Variants in SH3YL1 observed in about 807,000 individuals in gnomAD.
SH3YL1 encodes the protein SH3 and SYLF domain containing 1.
SH3YL1 carries 41 observed loss-of-function variants against 45.8 expected under a neutral mutation model. The observed-to-expected ratio is 0.89, with a 90% CI of 0.70 to 1.16. SH3YL1 has a LOEUF of 1.16. Ranked by LOEUF, SH3YL1 falls within the 50% of genes most tolerant of loss-of-function variation. The probability of loss-of-function intolerance (pLI) is 0.00; values close to 1 mark genes in which losing one functional copy is unlikely to be tolerated. For synonymous variants in SH3YL1, 152 were observed against 151.4 expected, an observed-to-expected ratio of 1.00 and a Z score of -0.03; for missense variants, 389 against 409.6, an observed-to-expected ratio of 0.95 and a Z score of 0.43.
intron 6 of SH3YL1, among the ~76,000 whole-genome samples, chr2:231,632 T>C (rs1162645114): frequency 1.3e-5 from 2 of 152,230 alleles, no homozygotes; most frequent in Non-Finnish European, 2.9e-5. Context: ...TTTATCAAGA[T>C]TAAATAAACA....
At chr2:231,328 C>A in intron 6 of SH3YL1, 137 bp from the exon 7 acceptor site, 1 of 687,418 alleles carries the variant, frequency 1.5e-6, no homozygotes, top group African/African-American at 1.8e-5. Context: ...TTTTTAAACA[C>A]TAACTTTAAG....
At chr2:221,203 GA>G (rs1259686424) in intron 9 of SH3YL1, among the ~76,000 whole-genome samples, 1 of 152,172 alleles carries the variant, frequency 6.6e-6, no homozygotes, top group Non-Finnish European at 1.5e-5. Context: ...TCATAAATAT[GA>G]AATTGTGCTC....
intron 4 of SH3YL1, among the ~76,000 whole-genome samples, chr2:243,053 A>C (rs1358658179): frequency 6.6e-6 from 1 of 152,220 alleles, no homozygotes. Flanking sequence ...TAGAAGGAAG[A>C]CATAGACAAT....
At position 262,762 on chromosome 2, in the gene SH3YL1, G is replaced by A. The variant is rs1261450641; in HGVS notation, c.1+1222C>T. 3.5e-6 allele frequency: 4 copies of A among 1,149,504 alleles called. No homozygotes were observed. In the African/African-American group the frequency reaches 4.9e-5, roughly 14 times the overall value. The allele number at this position is 1,149,504 out of a possible 1,614,324, so 71.2% of individuals were successfully genotyped here. On this transcript the variant is annotated intron_variant, in intron 1 of 9. Transcript: ENST00000356150. Reference sequence around the variant, plus strand: ...CCAGATCCTTATTTCTGCGGAATGAGAAATCTCTTGAGAATAAAGTTTTCC... The same window carrying A: ...CCAGATCCTTATTTCTGCGGAATGAAAAATCTCTTGAGAATAAAGTTTTCC...
At chr2:264,723 G>T (rs1669782902), upstream of SH3YL1, 1 of 473,440 alleles carries the variant, frequency 2.1e-6, no homozygotes, top group East Asian at 3.8e-5. Context: ...GCCCCTGCAG[G>T]TGAACGGCGG....
At chr2:245,689 T>A (rs150785831) in intron 4 of SH3YL1, among the ~76,000 whole-genome samples, 3,434 of 152,234 alleles carry the variant, frequency 0.023, 73 homozygotes, top group South Asian at 0.11. Context: ...TGTCTCGTAT[T>A]GTCTTTTAAA....
At chr2:223,198 G>A (rs772162915) in intron 9 of SH3YL1, among the ~76,000 whole-genome samples, 1 of 152,180 alleles carries the variant, frequency 6.6e-6, no homozygotes. Context: ...GTGAAAGTAC[G>A]GGGGTTCGAA....
intron 3 of SH3YL1, among the ~76,000 whole-genome samples, chr2:248,740 G>A (rs1668945660): frequency 6.6e-6 from 1 of 152,170 alleles, no homozygotes; most frequent in African/African-American, 2.4e-5. Context: ...CTGACAATGG[G>A]CTCCCTTGGA....
chr2:255,154 T>C lies in SH3YL1; in HGVS notation c.2-2039A>G, dbSNP rs566278955. ...AACTTTTAAAATTGATTAAAACCTG[T>C]GTCAGAGCTCATGTATAAACTCATG... On this transcript the variant is annotated intron_variant, in intron 1 of 9. Coordinates refer to ENST00000356150, the MANE Select transcript of SH3YL1 (RefSeq NM_015677.4). 7.4e-4 allele frequency among the ~76,000 whole-genome samples: 113 copies of C among 152,366 alleles called. 1 individual carries two copies. The highest frequency in any genetic ancestry group is 2.5e-3 in the African/African-American group (103 of 41,584).
intron 8 of SH3YL1, among the ~76,000 whole-genome samples, chr2:226,793 T>C (rs435378): frequency 1.3e-5 from 2 of 150,604 alleles, no homozygotes; most frequent in Admixed American, 1.3e-4. Context: ...TGGTGGGGAG[T>C]GTACATATAC....
chr2:224,452 A>G (rs1208315354), intron 9 of SH3YL1, among the ~76,000 whole-genome samples: 1 of 152,240 alleles, frequency 6.6e-6, no homozygotes, highest in Non-Finnish European at 1.5e-5. Flanking sequence ...TTTTATCTCC[A>G]TTGTAAATTC....
downstream of SH3YL1, chr2:218,143 A>G (rs544542685): frequency 3.9e-5 from 6 of 152,300 alleles, no homozygotes; most frequent in East Asian, 5.8e-4. Flanking sequence ...AAATTGAAAT[A>G]TTAACTTAGT....
At chr2:219,661 G>A (rs1005591572) in intron 9 of SH3YL1, among the ~76,000 whole-genome samples, 17 of 152,278 alleles carry the variant, frequency 1.1e-4, no homozygotes, top group African/African-American at 3.1e-4. Flanking sequence ...ACAGTTTCAT[G>A]GATGGCAGAT....
intron 1 of SH3YL1, among the ~76,000 whole-genome samples, chr2:258,160 T>C (rs1669435898): frequency 6.6e-6 from 1 of 152,218 alleles, no homozygotes; most frequent in Non-Finnish European, 1.5e-5. Flanking sequence ...ATATGAATTT[T>C]AAAATAGTTT....
At chr2:253,829 C>A (rs1388927936) in intron 1 of SH3YL1, among the ~76,000 whole-genome samples, 1 of 152,082 alleles carries the variant, frequency 6.6e-6, no homozygotes, top group Non-Finnish European at 1.5e-5. Context: ...TTTTTGGTAA[C>A]ACAATGAAGC....
intron 8 of SH3YL1, among the ~76,000 whole-genome samples, chr2:229,521 A>G (rs1667934475): frequency 3.3e-5 from 5 of 152,098 alleles, no homozygotes; most frequent in Middle Eastern, 6.8e-3. Flanking sequence ...CGAGGTCAGG[A>G]GATCGAGACC....
chr2:254,439 TGAG>T (rs1396731091), intron 1 of SH3YL1, among the ~76,000 whole-genome samples: 2 of 152,192 alleles, frequency 1.3e-5, no homozygotes, highest in African/African-American at 2.4e-5. Flanking sequence ...GCCCTGAGGC[TGAG>T]AAGTTCTTGT....
chr2:249,713 G>C lies in SH3YL1; in HGVS notation c.226+18C>G. 4.0e-6 allele frequency: 6 copies of C among 1,517,956 alleles called. No individual in the cohort carries two copies. Among genetic ancestry groups the C allele is most frequent in the Non-Finnish European group, 5.4e-6 (6 of 1,116,386 alleles). The allele number at this position is 1,517,956 out of a possible 1,614,324, so 94.0% of individuals were successfully genotyped here. A position where few individuals can be genotyped will look rare whatever the true frequency, so the allele number is the denominator to read the frequency against. On this transcript the variant is annotated intron_variant, in intron 3 of 9. Coordinates refer to ENST00000356150, the MANE Select transcript of SH3YL1 (RefSeq NM_015677.4). ...AAGAATGAAGACTCTCTACTCCAGTGAACAGACGCCAACTTACTTCCATCT... is the reference window on the plus strand; with the variant it reads ...AAGAATGAAGACTCTCTACTCCAGTCAACAGACGCCAACTTACTTCCATCT...
At chr2:246,768 A>T (rs1668834120) in intron 4 of SH3YL1, among the ~76,000 whole-genome samples, 1 of 152,184 alleles carries the variant, frequency 6.6e-6, no homozygotes, top group Admixed American at 6.5e-5. Context: ...CTTTTATACT[A>T]CAAATTTATA....
Sources: allele counts gnomAD v4.1 joint callset (sites outside exome capture counted in the v4.1 genomes callset), GRCh38; gene constraint gnomAD v4.1.1; transcripts MANE v1.5; gene names NCBI Gene and HGNC (gene_info 2026-07-23, HGNC 2026-07-21).